DDX23: variants seen among roughly 807,000 people sequenced by gnomAD.
DDX23 encodes probable ATP-dependent RNA helicase DDX23.
In DDX23, 33 loss-of-function variants were observed where a neutral mutation model predicts 102.7. The observed-to-expected ratio is 0.32, with a 90% confidence interval of 0.24 to 0.43. The LOEUF (loss-of-function observed/expected upper bound fraction) is 0.43. Among genes scored for constraint, DDX23 ranks in the 20% least tolerant of loss-of-function variants. The probability of loss-of-function intolerance (pLI) is 1.00; values close to 1 mark genes in which losing one functional copy is unlikely to be tolerated. For synonymous variants in DDX23, 352 were observed against 376.0 expected (o/e 0.94, Z 0.74); for missense variants, 549 against 1,086.6 (o/e 0.51, Z 6.96).
rs1175436027 is a variant in DDX23, at chr12:48,841,613, G to T, written c.321-1507C>A. Among the ~76,000 whole-genome samples, 4 of 152,230 alleles carry T rather than the reference G, an allele frequency of 2.6e-5. No homozygotes were observed. In the East Asian group the frequency reaches 5.8e-4, roughly 22 times the overall value. ...GTGCCTGCGATTGCAGGCGTGCGCC[G>T]CCACGCCTGACTGGTTTTCGTATTT... is the stretch of plus-strand genomic sequence containing the variant. On this transcript the variant is annotated intron_variant, in intron 3 of 16. Coordinates refer to ENST00000308025, the MANE Select transcript of DDX23 (RefSeq NM_004818.3).
intron 12 of DDX23, 29 bp downstream of exon 12, chr12:48,834,291 C>G (rs1938432908): frequency 6.3e-7 from 1 of 1,586,228 alleles, no homozygotes; most frequent in African/African-American, 1.4e-5. Flanking sequence ...TCCCAGACAG[C>G]AGGCTGGCTG....
At chr12:48,848,318 A>G (rs919301974) in intron 1 of DDX23, among the ~76,000 whole-genome samples, 31 of 152,318 alleles carry the variant, frequency 2.0e-4, no homozygotes, top group Admixed American at 1.8e-3. Flanking sequence ...CAAAAAAAAA[A>G]AGAAAACAAA....
At chr12:48,841,109 G>C (rs904747784) in intron 3 of DDX23, among the ~76,000 whole-genome samples, 26 of 152,140 alleles carry the variant, frequency 1.7e-4, no homozygotes, top group African/African-American at 6.0e-4. Context: ...ATACAGGCCA[G>C]GCACAATGGC....
Position 48,836,630 on chromosome 12 carries a change from G to C in DDX23, c.1175C>G (p.Ser392Cys). Residue 392 changes from serine (S) to cysteine (C), a missense_variant, in exon 10 of 17, where the codon TCC becomes TGC. Ser to Cys is a moderately radical substitution (Grantham distance 112). Transcript: ENST00000308025. The surrounding 1 kb of genome is among the most constrained non-coding windows in gnomAD (Gnocchi z 6.1). Reference protein sequence around the residue: ...KGGKIPNPIRSWKDSSLPPHI... With the variant: ...KGGKIPNPIRCWKDSSLPPHI... ...TGGGGGCAGAGAAGAGTCTTTCCAG[G>C]ATCGGATGGGATTGGGGATCTTGCC... is the stretch of plus-strand genomic sequence containing the variant. 1 of 1,614,134 alleles carries C rather than the reference G, an allele frequency of 6.2e-7. No homozygotes were observed. The highest frequency in any genetic ancestry group is 2.2e-5 in the East Asian group (1 of 44,880).
rs906638146 is a variant in DDX23, at chr12:48,838,045, T to C, written c.516A>G (p.Glu172=). ...KFLSKAEREA[E]ALKRRQQEVE... Reference sequence around the variant, plus strand: ...CCTCCTGCTGCCGTCGCTTTAGAGCTTCAGCCTCTCGTTCTGCTTTAGAGA... The same window carrying C: ...CCTCCTGCTGCCGTCGCTTTAGAGCCTCAGCCTCTCGTTCTGCTTTAGAGA... The change falls in exon 6 of 17, where the codon GAA becomes GAG. Residue 172 remains glutamate (E), a synonymous_variant. Transcript: ENST00000308025. 1 of 1,614,212 alleles carries C rather than the reference T, an allele frequency of 6.2e-7. No individual in the cohort carries two copies. The highest frequency in any genetic ancestry group is 1.3e-5 in the African/African-American group (1 of 75,066).
In DDX23 at chr12:48,845,611, G is replaced by A. The variant is rs760994568; in HGVS notation, c.172C>T (p.Arg58Cys). The change falls in exon 2 of 17, where the codon CGT becomes TGT. Residue 58 changes from arginine to cysteine, a missense_variant. Arg to Cys is a radical substitution (Grantham distance 180, BLOSUM62 -3). Coordinates refer to ENST00000308025, the MANE Select transcript of DDX23 (RefSeq NM_004818.3). ...TTGGAACGGGAACGAGAGCGAGAAC[G>A]GCTGCCTCCTCGACGTCTATCCCTT... ...RSRDRRRGGS[R>C]SRSRSRSKSA... The A allele has an allele frequency of 2.8e-5, 46 of 1,614,102 alleles. No homozygotes were observed. The highest frequency in any genetic ancestry group is 9.9e-5 in the South Asian group (9 of 91,082).
rs1938407757 is a variant in DDX23, at chr12:48,832,604, C to T, written c.1804-31G>A. The T allele has an allele frequency of 6.2e-7, 1 of 1,608,398 alleles. No homozygotes were observed. Among genetic ancestry groups the T allele is most frequent in the Admixed American group, 1.7e-5 (1 of 59,726 alleles). On this transcript the variant is annotated intron_variant, in intron 13 of 16. Transcript: ENST00000308025. This position sits in a 1 kb window ranked among gnomAD's most constrained non-coding sequence, Gnocchi z 4.4. ...AAAACAGGAGGCTCAGCCCTGCACC[C>T]AGGCAGGAATAATCATATATCCCAC...
intron 12 of DDX23, 38 bp downstream of exon 12, chr12:48,834,282 C>T (rs1592199962): frequency 6.3e-7 from 1 of 1,577,838 alleles, no homozygotes; most frequent in African/African-American, 1.4e-5. Flanking sequence ...AGATAGCCTT[C>T]CCAGACAGCA....
At chr12:48,850,794 G>A (rs981364325) in intron 1 of DDX23, among the ~76,000 whole-genome samples, 5 of 152,204 alleles carry the variant, frequency 3.3e-5, no homozygotes, top group African/African-American at 1.2e-4. Flanking sequence ...AAGGGACAGG[G>A]AAGTAACCAC....
intron 2 of DDX23, among the ~76,000 whole-genome samples, chr12:48,844,435 T>C (rs1459929223): frequency 6.6e-6 from 1 of 152,002 alleles, no homozygotes; most frequent in Non-Finnish European, 1.5e-5. Flanking sequence ...TGCACCACCA[T>C]GCCTGGCTAA....
In DDX23 at chr12:48,833,291, G is replaced by A; in HGVS notation, c.1789C>T (p.His597Tyr). ...AGCAGCCTTACTTGGCGGTACTTAT[G>A]TTTTCCCGACTCAAAGTTGGCCAGC... ...KMLANFESGK[H>Y]KYRQTVMFTA... The change falls in exon 13 of 17, where the codon CAT becomes TAT. Residue 597 changes from histidine (H) to tyrosine (Y), a missense_variant. Transcript: ENST00000308025. The A allele has an allele frequency of 6.2e-7, 1 of 1,614,138 alleles. No individual in the cohort carries two copies. Among genetic ancestry groups the A allele is most frequent in the Non-Finnish European group, 8.5e-7 (1 of 1,180,022 alleles).
rs1312371505 is a variant in DDX23 at position 48,845,759 on chromosome 12, T to C, written c.24A>G (p.Lys8=). 1 of 1,614,180 alleles carries C rather than the reference T, an allele frequency of 6.2e-7. No individual in the cohort carries two copies. The highest frequency in any genetic ancestry group is 1.7e-5 in the Admixed American group (1 of 60,016). Residue 8 remains lysine, a synonymous_variant, in exon 2 of 17, where the codon AAA becomes AAG. Transcript: ENST00000308025. ...TGGAAGGTGATGCATCACGGTCCTT[T>C]TTGTCAGCCAGCTCTCCTGCCATCT... MAGELAD[K]KDRDASPSKE...
At chr12:48,846,639 G>A (rs777040874) in intron 1 of DDX23, among the ~76,000 whole-genome samples, 1 of 152,206 alleles carries the variant, frequency 6.6e-6, no homozygotes, top group Non-Finnish European at 1.5e-5. Context: ...GAAGAACTTG[G>A]TGAAGGGTAC....
In DDX23 at chr12:48,832,645, G is replaced by A; in HGVS notation, c.1804-72C>T. 2.6e-6 allele frequency: 4 copies of A among 1,562,474 alleles called. No individual in the cohort carries two copies. The highest frequency in any genetic ancestry group is 3.5e-6 in the Non-Finnish European group (4 of 1,149,896). Reference sequence around the variant, plus strand: ...TATATCCCACTGTCACCGAAGGCAGGTCAGCCCAGACTAAAGAATCTAAAA... The same window carrying A: ...TATATCCCACTGTCACCGAAGGCAGATCAGCCCAGACTAAAGAATCTAAAA... On this transcript the variant is annotated intron_variant, in intron 13 of 16. Coordinates refer to ENST00000308025, the MANE Select transcript of DDX23 (RefSeq NM_004818.3). This position sits in a 1 kb window ranked among gnomAD's most constrained non-coding sequence, Gnocchi z 4.4.
intron 11 of DDX23, among the ~76,000 whole-genome samples, chr12:48,835,666 C>T (rs920187142): frequency 1.3e-5 from 2 of 152,096 alleles, no homozygotes; most frequent in Non-Finnish European, 2.9e-5. Flanking sequence ...GCCGAGATTG[C>T]GCCATTGCAC....
At position 48,832,837 on chromosome 12, in the gene DDX23, G is replaced by A. The variant is rs903618851; in HGVS notation, c.1804-264C>T. The A allele has an allele frequency of 1.9e-6, 1 of 514,392 alleles. No individual in the cohort carries two copies. The highest frequency in any genetic ancestry group is 3.4e-6 in the Non-Finnish European group (1 of 291,656). 31.9% of individuals were successfully genotyped at this position (514,392 alleles called of 1,614,324 possible). On this transcript the variant is annotated intron_variant, in intron 13 of 16. Transcript: ENST00000308025. This position sits in a 1 kb window ranked among gnomAD's most constrained non-coding sequence, Gnocchi z 4.4. The stretch of plus-strand genomic sequence containing the variant: ...GGTCCCGGTAGCAGCATGAGTCTTT[G>A]GAATCGTTTTTCCAGGGCTAAGCTA...
At chr12:48,835,148 G>T (rs1452172922) in intron 11 of DDX23, 1 of 245,008 alleles carries the variant, frequency 4.1e-6, no homozygotes, top group Non-Finnish European at 8.7e-6. Flanking sequence ...GGGAGGCTGA[G>T]GTAGGAGGAT....
intron 1 of DDX23, among the ~76,000 whole-genome samples, 195 bp from the exon 2 acceptor site, chr12:48,845,977 G>A (rs7300206): frequency 6.6e-5 from 10 of 152,334 alleles, no homozygotes; most frequent in African/African-American, 2.4e-4. Context: ...GTTGCAGGCA[G>A]TCTGGCTCCA....
intron 3 of DDX23, among the ~76,000 whole-genome samples, chr12:48,842,716 G>A (rs1390361850): frequency 5.3e-5 from 8 of 151,552 alleles, no homozygotes; most frequent in Non-Finnish European, 1.2e-4. Flanking sequence ...CCGTCCAGGA[G>A]GTGAGGGGCG....
Sources: gnomAD v4.1 joint callset for allele counts (sites outside exome capture counted in the v4.1 genomes callset) on GRCh38, gnomAD v4.1.1 for gene constraint, Gnocchi (gnomAD v3.1) non-coding constraint, MANE v1.5 for transcripts, NCBI Gene and HGNC (gene_info 2026-07-23, HGNC 2026-07-21) for gene names.